SMARCD3: variants seen among roughly 807,000 people sequenced by gnomAD.
The protein encoded by SMARCD3 is SWI/SNF related BAF chromatin remodeling complex subunit D3.
Under a neutral mutation model 58.0 loss-of-function variants are expected in SMARCD3, and 14 were observed. The observed-to-expected ratio is 0.24, with a 90% CI of 0.16 to 0.38. The LOEUF is 0.38. SMARCD3 is among the 10% of genes least tolerant of loss of function. The probability of loss-of-function intolerance (pLI) is 1.00; values close to 1 mark genes in which losing one functional copy is unlikely to be tolerated. For missense variants in SMARCD3, 408 were observed against 636.9 expected, an observed-to-expected ratio of 0.64 and a Z score of 3.87; for synonymous variants, 253 against 253.8, an observed-to-expected ratio of 1.00 and a Z score of 0.03.
chr7:151,267,686 G>A (rs151319777), intron 2 of SMARCD3, among the ~76,000 whole-genome samples: 14 of 152,326 alleles, frequency 9.2e-5, no homozygotes, highest in Middle Eastern at 3.4e-3. Flanking sequence ...GCCAACTGAA[G>A]TGACAGCAGG....
At chr7:151,261,529 G>A (rs1021640902) in intron 2 of SMARCD3, among the ~76,000 whole-genome samples, 7 of 152,194 alleles carry the variant, frequency 4.6e-5, no homozygotes, top group African/African-American at 1.7e-4. Flanking sequence ...GGGTGGATGT[G>A]AAGATTAAAA....
At chr7:151,251,958 CG>C (rs1357794480), upstream of SMARCD3, among the ~76,000 whole-genome samples, 1 of 149,234 alleles carries the variant, frequency 6.7e-6, no homozygotes, top group Non-Finnish European at 1.5e-5. Context: ...CCGCCCGCGC[CG>C]GTCCCCGGCC....
chr7:151,264,735 G>A lies in SMARCD3; in HGVS notation c.39+10379C>T, dbSNP rs778666551. 2.4e-4 allele frequency among the ~76,000 whole-genome samples: 37 copies of A among 152,352 alleles called. 1 individual carries two copies. Among genetic ancestry groups the A allele is most frequent in the Middle Eastern group, 6.8e-3 (2 of 294 alleles). ...CAAGCCTCTGCTGGAGGCAGTGTTGGCAGCCAGCATGGGGCAGAAGCAGTG... is the reference window on the plus strand; with the variant it reads ...CAAGCCTCTGCTGGAGGCAGTGTTGACAGCCAGCATGGGGCAGAAGCAGTG... On this transcript the variant is annotated intron_variant, in intron 2 of 13. Coordinates refer to the SMARCD3 transcript ENST00000356800.
chr7:151,239,822 A>C lies in SMARCD3; in HGVS notation c.1174-76T>G. ...ACGAGGGGAAAGGAAGCGGGTGGGAAGGGGAGGGAGAGGGGGTTTCTTCTG... is the reference window on the plus strand; with the variant it reads ...ACGAGGGGAAAGGAAGCGGGTGGGACGGGGAGGGAGAGGGGGTTTCTTCTG... On this transcript the variant is annotated intron_variant, in intron 10 of 12. Coordinates refer to ENST00000262188, the MANE Select transcript of SMARCD3 (RefSeq NM_001003801.2). This position sits in a 1 kb window ranked among gnomAD's most constrained non-coding sequence, Gnocchi z 7.0. The C allele has an allele frequency of 1.1e-5, 10 of 907,456 alleles. No individual in the cohort carries two copies. Among genetic ancestry groups the C allele is most frequent in the African/African-American group, 1.7e-5 (1 of 59,560 alleles). 56.2% of individuals were successfully genotyped at this position (907,456 alleles called of 1,614,324 possible).
In SMARCD3 at chr7:151,239,822, A is replaced by G; in HGVS notation, c.1174-76T>C. On this transcript the variant is annotated intron_variant, in intron 10 of 12. Transcript: ENST00000262188. This position sits in a 1 kb window ranked among gnomAD's most constrained non-coding sequence, Gnocchi z 7.0. ...ACGAGGGGAAAGGAAGCGGGTGGGA[A>G]GGGGAGGGAGAGGGGGTTTCTTCTG... The G allele has an allele frequency of 1.1e-6, 1 of 907,466 alleles. No homozygotes were observed. The highest frequency in any genetic ancestry group is 1.7e-6 in the Non-Finnish European group (1 of 580,810). The allele number at this position is 907,466 out of a possible 1,614,324, so 56.2% of individuals were successfully genotyped here. A position where few individuals can be genotyped will look rare whatever the true frequency, so the allele number is the denominator to read the frequency against.
chr7:151,241,084 C>T lies in SMARCD3; in HGVS notation c.939+408G>A, dbSNP rs920207168. On this transcript the variant is annotated intron_variant, in intron 8 of 12. Coordinates refer to ENST00000262188, the MANE Select transcript of SMARCD3 (RefSeq NM_001003801.2). The surrounding 1 kb of genome is among the most constrained non-coding windows in gnomAD (Gnocchi z 5.3). ...GCAGCAATTTGATTTTCCTAACTGC[C>T]CAGGAGAGTAGATAGGACAGGTATT... The T allele has an allele frequency of 3.8e-6, 1 of 263,256 alleles. No individual in the cohort carries two copies. The highest frequency in any genetic ancestry group is 7.4e-6 in the Non-Finnish European group (1 of 134,578). 16.3% of individuals were successfully genotyped at this position (263,256 alleles called of 1,614,324 possible). A position where few individuals can be genotyped will look rare whatever the true frequency, so the allele number is the denominator to read the frequency against.
Position 151,239,464 on chromosome 7 carries a change from C to G in SMARCD3, c.1330G>C (p.Glu444Gln), listed in dbSNP as rs2150588022. 1 of 1,613,852 alleles carries G rather than the reference C, an allele frequency of 6.2e-7. No homozygotes were observed. The highest frequency in any genetic ancestry group is 8.5e-7 in the Non-Finnish European group (1 of 1,179,976). The change falls in exon 12 of 13, where the codon GAG becomes CAG. Residue 444 changes from glutamate (E) to glutamine (Q), a missense_variant. Glu to Gln is a conservative substitution (Grantham distance 29, BLOSUM62 2). Transcript: ENST00000262188. This position sits in a 1 kb window ranked among gnomAD's most constrained non-coding sequence, Gnocchi z 7.0. ...MTDVAGNPEE[E>Q]RRAEFYHQPW... ...TGGTGGTAGAACTCAGCCCGGCGCT[C>G]CTCTTCAGGGTTGCCGGCTACATCT...
intron 2 of SMARCD3, among the ~76,000 whole-genome samples, chr7:151,260,808 C>G (rs768344252): frequency 6.6e-6 from 1 of 152,180 alleles, no homozygotes; most frequent in Non-Finnish European, 1.5e-5. Flanking sequence ...GCGATGAGAA[C>G]AGCAACAGGC....
intron 2 of SMARCD3, among the ~76,000 whole-genome samples, chr7:151,256,425 C>A (rs1373437126): frequency 2.6e-5 from 4 of 152,034 alleles, no homozygotes; most frequent in Admixed American, 2.6e-4. Flanking sequence ...CCCACCTTGG[C>A]CTCCTGAAGT....
intron 2 of SMARCD3, among the ~76,000 whole-genome samples, chr7:151,271,927 C>T (rs745587491): frequency 5.9e-5 from 9 of 152,188 alleles, no homozygotes; most frequent in Admixed American, 1.3e-4. Context: ...CCACTGCACT[C>T]CAGCCTGAGC....
At chr7:151,276,190 T>G (rs1584903484) in intron 1 of SMARCD3, among the ~76,000 whole-genome samples, 1 of 149,794 alleles carries the variant, frequency 6.7e-6, no homozygotes, top group East Asian at 2.0e-4. Flanking sequence ...AGGGACAACC[T>G]GAATAGGAGA....
intron 2 of SMARCD3, among the ~76,000 whole-genome samples, chr7:151,266,695 G>A (rs1384592632): frequency 6.6e-6 from 1 of 152,166 alleles, no homozygotes; most frequent in Non-Finnish European, 1.5e-5. Flanking sequence ...CTTAACATCA[G>A]CCAATATGGG....
chr7:151,246,880 G>A lies in SMARCD3; in HGVS notation c.79-1209C>T, dbSNP rs1413954369. Reference sequence around the variant, plus strand: ...AAGCAGGAAGAAGATCAGAGGGCAGGGGATGCAGACCCTGGCACTGTTAAC... The same window carrying A: ...AAGCAGGAAGAAGATCAGAGGGCAGAGGATGCAGACCCTGGCACTGTTAAC... On this transcript the variant is annotated intron_variant, in intron 1 of 12. Coordinates refer to ENST00000262188, the MANE Select transcript of SMARCD3 (RefSeq NM_001003801.2). This position sits in a 1 kb window ranked among gnomAD's most constrained non-coding sequence, Gnocchi z 4.4. Among the ~76,000 whole-genome samples, 1 of 152,056 alleles carries A rather than the reference G, an allele frequency of 6.6e-6. No homozygotes were observed. Among genetic ancestry groups the A allele is most frequent in the African/African-American group, 2.4e-5 (1 of 41,380 alleles).
At chr7:151,251,520 G>A (rs75071652), upstream of SMARCD3, among the ~76,000 whole-genome samples, 185 of 152,282 alleles carry the variant, frequency 1.2e-3, no homozygotes, top group African/African-American at 4.2e-3. Flanking sequence ...GCGCCAGTGT[G>A]GGGGCCCGGG....
intron 2 of SMARCD3, among the ~76,000 whole-genome samples, chr7:151,254,986 C>T (rs373457953): frequency 1.3e-5 from 2 of 152,192 alleles, no homozygotes; most frequent in East Asian, 1.9e-4. Flanking sequence ...TAAATAAAAC[C>T]CCCGTGGAAG....
At position 151,243,362 on chromosome 7, in the gene SMARCD3, C is replaced by T. The variant is rs1439509376; in HGVS notation, c.333+297G>A. ...ATCTCTGGCCACCTTCTATCCCCTT[C>T]ATTCTGCCTGGCAGCTTCTGATCCC... On this transcript the variant is annotated intron_variant, in intron 3 of 12. Coordinates refer to ENST00000262188, the MANE Select transcript of SMARCD3 (RefSeq NM_001003801.2). This position sits in a 1 kb window ranked among gnomAD's most constrained non-coding sequence, Gnocchi z 4.4. Among the ~76,000 whole-genome samples the T allele has an allele frequency of 2.0e-5, 3 of 152,188 alleles. No individual in the cohort carries two copies. Among genetic ancestry groups the T allele is most frequent in the Admixed American group, 1.3e-4 (2 of 15,284 alleles).
chr7:151,251,618 C>T (rs1196614665), upstream of SMARCD3, among the ~76,000 whole-genome samples: 1 of 151,994 alleles, frequency 6.6e-6, no homozygotes, highest in Non-Finnish European at 1.5e-5. Flanking sequence ...ATGGCTCCTG[C>T]GGGTGGGAAG....
chr7:151,248,757 G>GCCGCCGCCCGC, upstream of SMARCD3: 1 of 731,838 alleles, frequency 1.4e-6, no homozygotes, highest in Non-Finnish European at 1.7e-6. The surrounding 1 kb of genome is among the most constrained non-coding windows in gnomAD (Gnocchi z 6.1). Context: ...CCGCCCGCCC[G>GCCGCCGCCCGC]CCGCCGCCGC....
Position 151,239,804 on chromosome 7 carries a change from G to T in SMARCD3, c.1174-58C>A. ...GCTTTGGTGATGTGGGAGACGAGGG[G>T]AAAGGAAGCGGGTGGGAAGGGGAGG... On this transcript the variant is annotated intron_variant, in intron 10 of 12. Transcript: ENST00000262188. The surrounding 1 kb of genome is among the most constrained non-coding windows in gnomAD (Gnocchi z 7.0). 4.8e-6 allele frequency: 7 copies of T among 1,466,538 alleles called. No homozygotes were observed. Among genetic ancestry groups the T allele is most frequent in the Non-Finnish European group, 5.7e-6 (6 of 1,060,384 alleles). The allele number at this position is 1,466,538 out of a possible 1,614,324, so 90.8% of individuals were successfully genotyped here.
Sources: gnomAD v4.1 joint callset for allele counts (sites outside exome capture counted in the v4.1 genomes callset) on GRCh38, gnomAD v4.1.1 for gene constraint, Gnocchi (gnomAD v3.1) non-coding constraint, MANE v1.5 for transcripts, NCBI Gene and HGNC (gene_info 2026-07-23, HGNC 2026-07-21) for gene names.